Variants in MAL observed in about 807,000 individuals in gnomAD.
MAL encodes the protein myelin and lymphocyte protein.
In MAL, 5 loss-of-function variants were observed where a neutral mutation model predicts 16.7. That is an observed-to-expected ratio of 0.30 (90% CI 0.16 to 0.63). MAL has a LOEUF of 0.63. MAL is among the 30% of genes least tolerant of loss of function. The pLI is 0.82. For missense variants in MAL, 202 were observed against 195.8 expected (o/e 1.03, Z -0.19); for synonymous variants, 96 against 85.5 (o/e 1.12, Z -0.67).
At position 95,053,576 on chromosome 2, in the gene MAL, C is replaced by A. The variant is rs374545322; in HGVS notation, c.*121C>A. On this transcript the variant is annotated 3_prime_UTR_variant, in exon 4 of 4. Coordinates refer to ENST00000309988, the MANE Select transcript of MAL (RefSeq NM_002371.4). ...GTGGAAAAAAGAAAACAACCACCCC[C>A]CCACTGCCCAAAAAAAAAAGCCCTG... 4.2e-4 allele frequency: 314 copies of A among 739,918 alleles called. 2 individuals carry two copies. The Middle Eastern group carries it at 6.0e-3, about 14-fold the overall frequency. 45.8% of individuals were successfully genotyped at this position (739,918 alleles called of 1,614,324 possible).
chr2:95,042,273 A>G (rs1250213770), intron 1 of MAL, among the ~76,000 whole-genome samples: 1 of 152,204 alleles, frequency 6.6e-6, no homozygotes, highest in African/African-American at 2.4e-5. Context: ...CTTCTGTCTT[A>G]CAGGAGTTAC....
At chr2:95,041,824 T>C (rs956705737) in intron 1 of MAL, among the ~76,000 whole-genome samples, 10 of 152,184 alleles carry the variant, frequency 6.6e-5, no homozygotes, top group African/African-American at 2.4e-4. Flanking sequence ...ATTTTTTTTT[T>C]CACAAACATC....
chr2:95,050,982 T>C (rs1674703263), intron 3 of MAL, among the ~76,000 whole-genome samples: 1 of 152,234 alleles, frequency 6.6e-6, no homozygotes, highest in African/African-American at 2.4e-5. Context: ...CAGCCAAGCC[T>C]TCTCTTTTAA....
At position 95,050,771 on chromosome 2, in the gene MAL, TC is replaced by T. The variant is rs554555260; in HGVS notation, c.387+1071del. On this transcript the variant is annotated intron_variant, in intron 3 of 3. Transcript: ENST00000309988. Reference sequence around the variant, plus strand: ...AAAGGGCCCCCTCAGGATCCTGGCATCCCCCCAGGGGTCCCGCGGTGTGGAA... The same window carrying T: ...AAAGGGCCCCCTCAGGATCCTGGCATCCCCCAGGGGTCCCGCGGTGTGGAA... Among the ~76,000 whole-genome samples the T allele has an allele frequency of 3.8e-3, 577 of 152,152 alleles. 5 individuals carry two copies. Among genetic ancestry groups the T allele is most frequent in the African/African-American group, 0.013 (547 of 41,500 alleles).
chr2:95,037,668 CTGAG>C (rs1674272625), intron 1 of MAL, among the ~76,000 whole-genome samples: 1 of 116,296 alleles, frequency 8.6e-6, no homozygotes, highest in East Asian at 2.7e-4. Flanking sequence ...GAGTGACTGA[CTGAG>C]TGACTGAGTG....
intron 1 of MAL, among the ~76,000 whole-genome samples, chr2:95,027,537 T>C (rs1673971573): frequency 1.3e-5 from 2 of 152,134 alleles, no homozygotes; most frequent in Admixed American, 6.5e-5. Flanking sequence ...ATGCTCTAGA[T>C]TAGGGGTGGG....
chr2:95,042,397 G>A (rs1397261389), intron 1 of MAL, among the ~76,000 whole-genome samples: 2 of 152,236 alleles, frequency 1.3e-5, no homozygotes. Context: ...CTCTGGGCAT[G>A]AGCCCTGGGC....
At chr2:95,037,072 AG>A (rs1465083577) in intron 1 of MAL, among the ~76,000 whole-genome samples, 9 of 149,034 alleles carry the variant, frequency 6.0e-5, no homozygotes, top group East Asian at 4.0e-4. Flanking sequence ...TGAGTGACTG[AG>A]TGGGTGAGTG....
Position 95,046,953 on chromosome 2 carries a change from A to AAAAG in MAL, c.94-991_94-988dup, listed in dbSNP as rs372564757. Among the ~76,000 whole-genome samples, 886 of 151,364 alleles carry AAAAG rather than the reference A, an allele frequency of 5.9e-3. 9 individuals are homozygous for AAAAG. The highest frequency in any genetic ancestry group is 0.02 in the African/African-American group (839 of 41,138). On this transcript the variant is annotated intron_variant, in intron 1 of 3. Transcript: ENST00000309988. ...GAGAAAGAGAAAGAAAGAAAGAGAA[A>AAAAG]AAAGAAAGAAAGAAAGAAGAAAGAA...
intron 1 of MAL, among the ~76,000 whole-genome samples, chr2:95,030,478 T>C (rs1674051485): frequency 6.6e-6 from 1 of 152,244 alleles, no homozygotes; most frequent in Non-Finnish European, 1.5e-5. Flanking sequence ...AGGGACTTCC[T>C]TGACACTGGG....
Position 95,049,482 on chromosome 2 carries a change from G to T in MAL, c.262-99G>T, listed in dbSNP as rs369551081. On this transcript the variant is annotated intron_variant, in intron 2 of 3. Coordinates refer to ENST00000309988, the MANE Select transcript of MAL (RefSeq NM_002371.4). ...GGGAGGGGTGGGATTCAAAGGAAGT[G>T]GGGGGAGAGGCAAGGGGCGGGGGTG... 38 of 1,475,310 alleles carry T rather than the reference G, an allele frequency of 2.6e-5. No homozygotes were observed. In the Middle Eastern group the frequency reaches 5.6e-4, roughly 22 times the overall value. 91.4% of individuals were successfully genotyped at this position (1,475,310 alleles called of 1,614,324 possible).
chr2:95,053,860 G>A lies in MAL; in HGVS notation c.*405G>A, dbSNP rs547668149. The A allele has an allele frequency of 7.0e-4, 136 of 194,302 alleles. No homozygotes were observed. Among genetic ancestry groups the A allele is most frequent in the Non-Finnish European group, 7.4e-4 (69 of 93,318 alleles). The allele number at this position is 194,302 out of a possible 1,614,324, so 12.0% of individuals were successfully genotyped here. On this transcript the variant is annotated 3_prime_UTR_variant, in exon 4 of 4. Transcript: ENST00000309988. ...CAAGCTCTCCCGAGCGCCCCATCTT[G>A]TGCCATGTTTTAAGTCTTCATGGAT...
intron 3 of MAL, 154 bp from the exon 4 acceptor site, chr2:95,053,227 G>T: frequency 1.5e-6 from 1 of 681,630 alleles, no homozygotes. Context: ...CCTGGGCTCA[G>T]CAGGGAGGGC....
chr2:95,039,616 CAGTG>C (rs1382937856), intron 1 of MAL, among the ~76,000 whole-genome samples: 4 of 115,134 alleles, frequency 3.5e-5, no homozygotes, highest in Non-Finnish European at 7.2e-5. Flanking sequence ...GAGTGAGTGA[CAGTG>C]GGTGAGTGAG....
intron 1 of MAL, among the ~76,000 whole-genome samples, chr2:95,038,984 C>CTGAGTGGG (rs1674350785): frequency 8.9e-6 from 1 of 112,726 alleles, no homozygotes; most frequent in African/African-American, 3.5e-5. Context: ...GAGTGAGTGA[C>CTGAGTGGG]CGAGTGACTG....
At chr2:95,046,822 CAAGAGAAAGA>C (rs1389753786) in intron 1 of MAL, among the ~76,000 whole-genome samples, 2 of 104,256 alleles carry the variant, frequency 1.9e-5, no homozygotes, top group South Asian at 3.0e-4. Context: ...AAATAATGAG[CAAGAGAAAGA>C]AAGAGAGAGA....
At chr2:95,045,385 G>T (rs752998679) in intron 1 of MAL, among the ~76,000 whole-genome samples, 1 of 152,160 alleles carries the variant, frequency 6.6e-6, no homozygotes, top group Non-Finnish European at 1.5e-5. Context: ...CCACACCCAG[G>T]TACCAGGAGA....
intron 1 of MAL, among the ~76,000 whole-genome samples, chr2:95,037,676 CTGAGTGAGTGAG>C (rs564146772): frequency 8.3e-6 from 1 of 120,086 alleles, no homozygotes; most frequent in Non-Finnish European, 1.7e-5. Flanking sequence ...GACTGAGTGA[CTGAGTGAGTGAG>C]TGAGTGGGTG....
At chr2:95,033,013 C>T (rs1478954867) in intron 1 of MAL, among the ~76,000 whole-genome samples, 2 of 152,236 alleles carry the variant, frequency 1.3e-5, no homozygotes, top group Non-Finnish European at 2.9e-5. Flanking sequence ...CAGGGTCGCA[C>T]AGCCAGCCTC....
Sources: gnomAD v4.1 joint callset for allele counts (sites outside exome capture counted in the v4.1 genomes callset) on GRCh38, gnomAD v4.1.1 for gene constraint, MANE v1.5 for transcripts, NCBI Gene and HGNC (gene_info 2026-07-23, HGNC 2026-07-21) for gene names.